Variants in CAMTA1 observed in about 807,000 individuals in gnomAD.
CAMTA1 encodes the protein calmodulin binding transcription activator 1.
Under a neutral mutation model 170.9 loss-of-function variants are expected in CAMTA1, and 27 were observed. The observed-to-expected ratio is 0.16, with a 90% CI of 0.12 to 0.22. The LOEUF is 0.22. Among genes scored for constraint, CAMTA1 ranks in the 10% least tolerant of loss-of-function variants. The pLI is 1.00. For synonymous variants in CAMTA1, 833 were observed against 891.5 expected (o/e 0.93, Z 1.17); for missense variants, 1,619 against 2,217.2 (o/e 0.73, Z 5.42).
intron 3 of CAMTA1, among the ~76,000 whole-genome samples, chr1:7,066,642 A>G (rs1215387355): frequency 1.3e-5 from 2 of 152,226 alleles, no homozygotes; most frequent in African/African-American, 4.8e-5. Context: ...GCTTAAAGAG[A>G]AAACCTTAAA....
At chr1:7,204,830 C>CTTTTTTTTTTTTTT (rs367812076) in intron 4 of CAMTA1, among the ~76,000 whole-genome samples, 1 of 86,808 alleles carries the variant, frequency 1.2e-5, no homozygotes, top group East Asian at 3.3e-4. Context: ...TTCTTTTTTT[C>CTTTTTTTTTTTTTT]TTTTTTTTTT....
chr1:7,458,583 C>A (rs1008395266), intron 5 of CAMTA1, among the ~76,000 whole-genome samples: 2 of 152,184 alleles, frequency 1.3e-5, no homozygotes, highest in Non-Finnish European at 2.9e-5. Context: ...CCAGAGGAGT[C>A]CCCCAAGAAA....
intron 5 of CAMTA1, among the ~76,000 whole-genome samples, chr1:7,330,819 C>T (rs1014555687): frequency 1.3e-5 from 2 of 152,270 alleles, no homozygotes; most frequent in African/African-American, 2.4e-5. Context: ...AAGCCTGGCC[C>T]GCAGGAGCTG....
intron 6 of CAMTA1, among the ~76,000 whole-genome samples, chr1:7,522,390 T>TTATATATTCTC (rs1208727755): frequency 3.3e-5 from 5 of 152,246 alleles, no homozygotes; most frequent in Admixed American, 2.0e-4. Context: ...ATATTCTCAG[T>TTATATATTCTC]ACGAGTCCTT....
chr1:7,613,336 A>G (rs556473670), intron 6 of CAMTA1, among the ~76,000 whole-genome samples: 9 of 152,240 alleles, frequency 5.9e-5, no homozygotes, highest in African/African-American at 1.9e-4. Flanking sequence ...GCTGAGTGAG[A>G]TGGACAGACA....
rs1227853891 is a variant in CAMTA1, at chr1:7,525,973, C to T, written c.510+58072C>T. Among the ~76,000 whole-genome samples, 3 of 151,976 alleles carry T rather than the reference C, an allele frequency of 2.0e-5. No homozygotes were observed. In the East Asian group the frequency reaches 5.8e-4, roughly 29 times the overall value. ...TGGCAGGGCCAGGACCAGGGTGAGG[C>T]ACTGGCATGGGGTACAAATTTAAGG... is the stretch of plus-strand genomic sequence containing the variant. On this transcript the variant is annotated intron_variant, in intron 6 of 22. Coordinates refer to ENST00000303635, the MANE Select transcript of CAMTA1 (RefSeq NM_015215.4).
intron 6 of CAMTA1, among the ~76,000 whole-genome samples, chr1:7,637,926 C>A (rs1303264396): frequency 6.6e-6 from 1 of 152,216 alleles, no homozygotes; most frequent in East Asian, 1.9e-4. Context: ...ATGATTACCG[C>A]AATCCAGAAA....
intron 6 of CAMTA1, among the ~76,000 whole-genome samples, chr1:7,516,052 CG>C (rs1314883026): frequency 6.6e-6 from 1 of 152,184 alleles, no homozygotes; most frequent in African/African-American, 2.4e-5. Context: ...CTTCCTGGAC[CG>C]GCCCCCACCA....
At chr1:7,514,957 G>T (rs1421844207) in intron 6 of CAMTA1, among the ~76,000 whole-genome samples, 1 of 152,200 alleles carries the variant, frequency 6.6e-6, no homozygotes, top group South Asian at 2.1e-4. Context: ...TTGAGAGCCA[G>T]GTGGTCCTCC....
intron 5 of CAMTA1, among the ~76,000 whole-genome samples, chr1:7,362,563 A>G (rs1574925826): frequency 6.6e-6 from 1 of 151,970 alleles, no homozygotes; most frequent in Non-Finnish European, 1.5e-5. Flanking sequence ...GAGTTGGTGG[A>G]CTTGGGTAGT....
intron 5 of CAMTA1, among the ~76,000 whole-genome samples, chr1:7,417,983 T>A (rs1187926670): frequency 1.3e-5 from 2 of 152,162 alleles, no homozygotes; most frequent in Non-Finnish European, 2.9e-5. Context: ...CCCTTCCTCC[T>A]GTGCCAAGCA....
At chr1:7,086,843 T>C (rs1640811099) in intron 3 of CAMTA1, among the ~76,000 whole-genome samples, 1 of 152,240 alleles carries the variant, frequency 6.6e-6, no homozygotes, top group Non-Finnish European at 1.5e-5. Context: ...TAGGTCCACC[T>C]CTTGGCTACT....
At chr1:6,822,839 C>T (rs962489566) in intron 2 of CAMTA1, among the ~76,000 whole-genome samples, 10 of 151,844 alleles carry the variant, frequency 6.6e-5, no homozygotes, top group Non-Finnish European at 1.0e-4. Context: ...CACACACACA[C>T]GCACACTCTT....
At chr1:7,236,419 G>C (rs191243383) in intron 4 of CAMTA1, among the ~76,000 whole-genome samples, 1 of 152,300 alleles carries the variant, frequency 6.6e-6, no homozygotes, top group Admixed American at 6.5e-5. Flanking sequence ...TTTTGCCATG[G>C]GCGGTTCTTG....
rs146253888 is a variant in CAMTA1, at chr1:6,819,919, T to C, written c.46-262T>C. Among the ~76,000 whole-genome samples, 685 of 152,332 alleles carry C rather than the reference T, an allele frequency of 4.5e-3. 8 individuals carry two copies. Among genetic ancestry groups the C allele is most frequent in the African/African-American group, 0.016 (669 of 41,570 alleles). The stretch of plus-strand genomic sequence containing the variant: ...CAGCAATGGCCTTTGTAGAAAAATA[T>C]CTAATCAGAACCTTGGGTCATAACT... On this transcript the variant is annotated intron_variant, in intron 1 of 22. Transcript: ENST00000303635.
rs566729784 is a variant in CAMTA1 at position 7,249,723 on chromosome 1, T to C, written c.438+97T>C. The C allele has an allele frequency of 7.1e-7, 1 of 1,413,550 alleles. No individual in the cohort carries two copies. Among genetic ancestry groups the C allele is most frequent in the East Asian group, 2.4e-5 (1 of 41,234 alleles). 87.6% of individuals were successfully genotyped at this position (1,413,550 alleles called of 1,614,324 possible). A position where few individuals can be genotyped will look rare whatever the true frequency, so the allele number is the denominator to read the frequency against. On this transcript the variant is annotated intron_variant, in intron 5 of 22. Transcript: ENST00000303635. This position sits in a 1 kb window ranked among gnomAD's most constrained non-coding sequence, Gnocchi z 4.4. ...GGAGTAATTTGATGCGAGTCACCTC[T>C]GTCCAAAGAATTTTTGTTTGCCAAG...
chr1:7,370,518 G>A (rs919978141), intron 5 of CAMTA1, among the ~76,000 whole-genome samples: 11 of 152,100 alleles, frequency 7.2e-5, no homozygotes, highest in African/African-American at 2.4e-4. Flanking sequence ...ATTACTGTCC[G>A]GGTCGTATTC....
At chr1:7,367,801 A>C (rs2086092782) in intron 5 of CAMTA1, among the ~76,000 whole-genome samples, 1 of 152,168 alleles carries the variant, frequency 6.6e-6, no homozygotes, top group South Asian at 2.1e-4. Flanking sequence ...TCATGGTTTC[A>C]CTGGGCACAG....
At chr1:7,005,287 T>A (rs1204783524) in intron 3 of CAMTA1, among the ~76,000 whole-genome samples, 1 of 152,206 alleles carries the variant, frequency 6.6e-6, no homozygotes, top group Non-Finnish European at 1.5e-5. Context: ...GCACTCCATT[T>A]GCTAAAATCC....
Sources: allele counts gnomAD v4.1 joint callset (sites outside exome capture counted in the v4.1 genomes callset), GRCh38; gene constraint gnomAD v4.1.1; non-coding constraint Gnocchi (gnomAD v3.1); transcripts MANE v1.5; gene names NCBI Gene and HGNC (gene_info 2026-07-23, HGNC 2026-07-21).